The following FGD4 variants were observed in gnomAD, a reference collection of about 807,000 sequenced individuals.
FGD4 encodes the protein FYVE, RhoGEF and PH domain-containing protein 4.
A neutral mutation model predicts 102.0 loss-of-function variants in FGD4; 42 were observed. The ratio of observed to expected loss-of-function variants is 0.41; its 90% CI spans 0.32 to 0.53. FGD4 has a LOEUF of 0.53. FGD4 is among the 20% of genes least tolerant of loss of function. The pLI is 0.21. For synonymous variants in FGD4, 380 were observed against 375.7 expected (o/e 1.01, Z -0.13); for missense variants, 902 against 1,078.2 (o/e 0.84, Z 2.29).
At chr12:32,561,844 A>AT (rs1944622208) in intron 1 of FGD4, among the ~76,000 whole-genome samples, 1 of 152,216 alleles carries the variant, frequency 6.6e-6, no homozygotes, top group South Asian at 2.1e-4. Flanking sequence ...TATTTGTGTG[A>AT]TTTTAAAGAA....
chr12:32,537,998 C>T (rs1450893853), intron 1 of FGD4, among the ~76,000 whole-genome samples: 3 of 152,116 alleles, frequency 2.0e-5, no homozygotes, highest in African/African-American at 4.8e-5. Context: ...CAGGCTGAAA[C>T]GATCCTCCCA....
At chr12:32,599,839 C>T (rs138727355) in intron 5 of FGD4, among the ~76,000 whole-genome samples, 140 of 152,074 alleles carry the variant, frequency 9.2e-4, no homozygotes, top group Non-Finnish European at 1.6e-3. Flanking sequence ...TGAGCCACCA[C>T]GCCTGGACCC....
rs78222254 is a variant in FGD4 at position 32,494,217 on chromosome 12, T to A, written c.167-69920T>A. Among the ~76,000 whole-genome samples the A allele has an allele frequency of 3.6e-3, 553 of 152,270 alleles. 11 individuals are homozygous for A. In the East Asian group the frequency reaches 0.059, roughly 16 times the overall value. On this transcript the variant is annotated intron_variant, in intron 1 of 16. Transcript: ENST00000534526. ...CCACACCCAGCTAACTTTTTAATTT[T>A]ATTTTATTTTATTTTTGTAGAGATG...
At chr12:32,568,882 T>G (rs571862391) in intron 2 of FGD4, among the ~76,000 whole-genome samples, 14 of 152,234 alleles carry the variant, frequency 9.2e-5, no homozygotes. Context: ...TGATCAATTT[T>G]TTTTCCTATT....
chr12:32,446,146 C>A (rs74390025), intron 1 of FGD4, among the ~76,000 whole-genome samples: 99 of 152,268 alleles, frequency 6.5e-4, no homozygotes, highest in South Asian at 2.7e-3. Context: ...TGCGGTGAGA[C>A]CTTGTCTCAA....
intron 1 of FGD4, among the ~76,000 whole-genome samples, chr12:32,486,298 C>G (rs1943898012): frequency 6.6e-6 from 1 of 152,144 alleles, no homozygotes; most frequent in South Asian, 2.1e-4. Context: ...GAAAAATTAT[C>G]GTGGATTTTC....
intron 7 of FGD4, 25 bp from the exon 8 acceptor site, chr12:32,607,932 T>G: frequency 6.2e-7 from 1 of 1,614,118 alleles, no homozygotes; most frequent in Non-Finnish European, 8.5e-7. Context: ...TTTAAATGTT[T>G]CTTAGAAAAC....
intron 1 of FGD4, chr12:32,534,351 T>G: frequency 6.9e-7 from 1 of 1,445,648 alleles, no homozygotes; most frequent in Non-Finnish European, 9.1e-7. Flanking sequence ...TCCTGGCAGA[T>G]CCTGTGTAAT....
At chr12:32,489,601 T>A (rs888298752) in intron 1 of FGD4, among the ~76,000 whole-genome samples, 1 of 152,242 alleles carries the variant, frequency 6.6e-6, no homozygotes, top group African/African-American at 2.4e-5. Context: ...GGAAAGTTTA[T>A]GTATAAAAGG....
At chr12:32,425,733 C>G (rs1415422993) in intron 1 of FGD4, among the ~76,000 whole-genome samples, 28 of 152,236 alleles carry the variant, frequency 1.8e-4, no homozygotes, top group Admixed American at 2.6e-4. Flanking sequence ...TTGTTTGTGT[C>G]CTCTCTTATT....
Position 32,544,510 on chromosome 12 carries a change from C to G in FGD4, c.167-19627C>G, listed in dbSNP as rs897177760. ...CTCTGGGAGGCTGAGGCAGGTGGAT[C>G]ACTTTGAACTCAGTCGTTTGAGACC... On this transcript the variant is annotated intron_variant, in intron 1 of 16. Coordinates refer to ENST00000534526, the MANE Select transcript of FGD4 (RefSeq NM_001370298.3). This position sits in a 1 kb window ranked among gnomAD's most constrained non-coding sequence, Gnocchi z 4.1. Among the ~76,000 whole-genome samples the G allele has an allele frequency of 6.6e-6, 1 of 151,892 alleles. No homozygotes were observed. Among genetic ancestry groups the G allele is most frequent in the African/African-American group, 2.4e-5 (1 of 41,334 alleles).
At chr12:32,520,366 T>C (rs948472383) in intron 1 of FGD4, among the ~76,000 whole-genome samples, 8 of 152,284 alleles carry the variant, frequency 5.3e-5, no homozygotes, top group African/African-American at 1.7e-4. Flanking sequence ...TCAGTCACAT[T>C]GTTCTCTTAA....
chr12:32,632,894 C>T (rs1950576798), intron 14 of FGD4, among the ~76,000 whole-genome samples: 1 of 151,862 alleles, frequency 6.6e-6, no homozygotes, highest in South Asian at 2.1e-4. Context: ...GAGGGTGTCA[C>T]TCCACTGTTT....
intron 1 of FGD4, among the ~76,000 whole-genome samples, chr12:32,531,018 C>T (rs1298702055): frequency 2.4e-5 from 3 of 124,982 alleles, no homozygotes; most frequent in Non-Finnish European, 1.6e-5. Flanking sequence ...GTGGTGCGAT[C>T]GCGGCTCACT....
intron 1 of FGD4, among the ~76,000 whole-genome samples, chr12:32,419,901 A>G (rs1224860315): frequency 6.6e-6 from 1 of 151,172 alleles, no homozygotes; most frequent in Non-Finnish European, 1.5e-5. Flanking sequence ...CCATCTCCCA[A>G]AAGCACAAAA....
chr12:32,443,882 C>T (rs1280732855), intron 1 of FGD4, among the ~76,000 whole-genome samples: 1 of 151,572 alleles, frequency 6.6e-6, no homozygotes, highest in Non-Finnish European at 1.5e-5. Context: ...TTTCAAAGAG[C>T]CTAAAACCAA....
chr12:32,500,392 T>TTTTATTTTA (rs1379808269), intron 1 of FGD4, among the ~76,000 whole-genome samples: 61 of 135,324 alleles, frequency 4.5e-4, no homozygotes, highest in African/African-American at 1.6e-3. Context: ...TTTTATTTTA[T>TTTTATTTTA]TTTTATTTTA....
rs1157108520 is a variant in FGD4, at chr12:32,481,127, C to CAAAAAAAAAAAAAA, written c.166+81185_166+81198dup. Among the ~76,000 whole-genome samples, 18 of 27,360 alleles carry CAAAAAAAAAAAAAA rather than the reference C, an allele frequency of 6.6e-4. 7 individuals carry two copies. Among genetic ancestry groups the CAAAAAAAAAAAAAA allele is most frequent in the Admixed American group, 2.2e-3 (3 of 1,360 alleles). 17.9% of individuals were successfully genotyped at this position (27,360 alleles called of 152,430 possible). A position where few individuals can be genotyped will look rare whatever the true frequency, so the allele number is the denominator to read the frequency against. ...TGGGTGACAGAGTGAGACTCCGTCT[C>CAAAAAAAAAAAAAA]AAAAAAAAAAAAAAAAAAAAAAAAA... On this transcript the variant is annotated intron_variant, in intron 1 of 16. Coordinates refer to ENST00000534526, the MANE Select transcript of FGD4 (RefSeq NM_001370298.3).
chr12:32,516,258 G>A (rs1191579032), intron 1 of FGD4, among the ~76,000 whole-genome samples: 1 of 152,128 alleles, frequency 6.6e-6, no homozygotes, highest in Non-Finnish European at 1.5e-5. Context: ...AGACTCCTGA[G>A]CATCTGAGGC....
Sources: gnomAD v4.1 joint callset for allele counts (sites outside exome capture counted in the v4.1 genomes callset) on GRCh38, gnomAD v4.1.1 for gene constraint, Gnocchi (gnomAD v3.1) non-coding constraint, MANE v1.5 for transcripts, NCBI Gene and HGNC (gene_info 2026-07-23, HGNC 2026-07-21) for gene names.